The following TMX2 variants were observed in gnomAD, a reference collection of about 807,000 sequenced individuals.
TMX2 encodes thioredoxin related transmembrane protein 2.
In TMX2, 20 loss-of-function variants were observed where a neutral mutation model predicts 33.4. The observed-to-expected ratio is 0.60, with a 90% CI of 0.42 to 0.87. TMX2 has a LOEUF of 0.87. Among genes scored for constraint, TMX2 ranks in the 40% least tolerant of loss-of-function variants. The probability of loss-of-function intolerance (pLI) is 0.00; values close to 1 mark genes in which losing one functional copy is unlikely to be tolerated. For synonymous variants in TMX2, 166 were observed against 140.7 expected (o/e 1.18, Z -1.27); for missense variants, 340 against 370.7 (o/e 0.92, Z 0.68).
chr11:57,725,828 C>T (rs1294495969), intron 1 of TMX2, among the ~76,000 whole-genome samples: 1 of 152,036 alleles, frequency 6.6e-6, no homozygotes, highest in Non-Finnish European at 1.5e-5. Context: ...AATTGGTTGC[C>T]TTCTAAACTA....
At chr11:57,713,961 G>A (rs1018726400) in intron 1 of TMX2, among the ~76,000 whole-genome samples, 1 of 152,202 alleles carries the variant, frequency 6.6e-6, no homozygotes, top group African/African-American at 2.4e-5. Flanking sequence ...GAAGAGACCA[G>A]AAGTAATTGT....
chr11:57,737,554 C>T (rs1346549105), intron 1 of TMX2, 54 bp from the exon 2 acceptor site: 3 of 1,487,770 alleles, frequency 2.0e-6, no homozygotes, highest in Non-Finnish European at 2.8e-6. Context: ...CCTTTCCCAC[C>T]TAAGTTAGCT....
chr11:57,731,818 T>G (rs1219945688), intron 1 of TMX2, among the ~76,000 whole-genome samples: 1 of 152,102 alleles, frequency 6.6e-6, no homozygotes, highest in Non-Finnish European at 1.5e-5. Context: ...TGATAAGAAT[T>G]TTAAAACTCA....
At chr11:57,736,437 G>A (rs544728239) in intron 1 of TMX2, among the ~76,000 whole-genome samples, 2 of 152,284 alleles carry the variant, frequency 1.3e-5, no homozygotes, top group Admixed American at 1.3e-4. Context: ...CTGCATGTGA[G>A]CCACAGGTTG....
rs905182972 is a variant in TMX2 at position 57,738,644 on chromosome 11, T to C, written c.442-20T>C. On this transcript the variant is annotated intron_variant, in intron 4 of 7. Coordinates refer to ENST00000278422, the MANE Select transcript of TMX2 (RefSeq NM_015959.4). ...GAGGCTATGTGGATCCAGCTGACTT[T>C]TCTTCCCTGTATTTGGCAGGAGGAA... 18 of 1,609,212 alleles carry C rather than the reference T, an allele frequency of 1.1e-5. No individual in the cohort carries two copies. Among genetic ancestry groups the C allele is most frequent in the Non-Finnish European group, 1.2e-5 (14 of 1,175,898 alleles).
At position 57,725,785 on chromosome 11, in the gene TMX2, GTAC is replaced by G. The variant is rs200492713; in HGVS notation, c.190-11820_190-11818del. ...TTAAACCCTCCAAATCAAGAAGGGG[GTAC>G]TAAAAATGCCCAAACAGCTGGTAAA... is the stretch of plus-strand genomic sequence containing the variant. On this transcript the variant is annotated intron_variant, in intron 1 of 7. Transcript: ENST00000278422. 4.2e-3 allele frequency among the ~76,000 whole-genome samples: 645 copies of G among 151,982 alleles called. 21 individuals are homozygous for G. Among genetic ancestry groups the G allele is most frequent in the Admixed American group, 0.041 (626 of 15,242 alleles).
intron 1 of TMX2, among the ~76,000 whole-genome samples, chr11:57,720,006 TGG>T (rs1947488428): frequency 6.6e-6 from 1 of 151,950 alleles, no homozygotes; most frequent in Admixed American, 6.6e-5. Context: ...AAGGTGCCAC[TGG>T]TTGGGCGCGG....
In TMX2 at chr11:57,712,672, A is replaced by C. The variant is rs1375759229; in HGVS notation, c.54A>C (p.Ser18=). The C allele has an allele frequency of 6.2e-7, 1 of 1,614,126 alleles. No homozygotes were observed. Among genetic ancestry groups the C allele is most frequent in the Non-Finnish European group, 8.5e-7 (1 of 1,180,032 alleles). ...IALVYSVPRL[S]RWLAQPYYLL... is the part of the protein sequence containing the mutation. ...TCGTGTATTCGGTGCCGCGACTTTC[A>C]CGATGGCTCGCCCAACCTTACTACC... The change falls in exon 1 of 8, where the codon TCA becomes TCC. Residue 18 remains serine (S), a synonymous_variant. Transcript: ENST00000278422.
At chr11:57,736,500 G>A (rs1235301783) in intron 1 of TMX2, among the ~76,000 whole-genome samples, 1 of 152,092 alleles carries the variant, frequency 6.6e-6, no homozygotes, top group Non-Finnish European at 1.5e-5. Flanking sequence ...GTATTGAAAA[G>A]GGCTTTTTGA....
intron 1 of TMX2, among the ~76,000 whole-genome samples, chr11:57,731,119 TTTTTTG>T (rs1299285373): frequency 2.1e-4 from 19 of 91,756 alleles, no homozygotes; most frequent in African/African-American, 6.3e-4. Flanking sequence ...CCGTTTTTTG[TTTTTTG>T]TTTTTTTTTT....
At chr11:57,731,347 T>A (rs1419244805) in intron 1 of TMX2, among the ~76,000 whole-genome samples, 4 of 150,942 alleles carry the variant, frequency 2.7e-5, no homozygotes, top group Admixed American at 6.6e-5. Flanking sequence ...TTGGCCAGGC[T>A]GGTCTTGAAC....
At chr11:57,721,345 G>GTTTTT in intron 1 of TMX2, among the ~76,000 whole-genome samples, 1 of 105,264 alleles carries the variant, frequency 9.5e-6, no homozygotes, top group Non-Finnish European at 2.0e-5. Context: ...AATAAATAAA[G>GTTTTT]TTTTTTTTTT....
intron 1 of TMX2, among the ~76,000 whole-genome samples, chr11:57,724,137 A>T (rs1264059583): frequency 6.6e-6 from 1 of 152,166 alleles, no homozygotes; most frequent in African/African-American, 2.4e-5. Context: ...TAAATGCTAC[A>T]GAATTTAAGA....
At chr11:57,736,746 G>C (rs1438837152) in intron 1 of TMX2, among the ~76,000 whole-genome samples, 2 of 151,964 alleles carry the variant, frequency 1.3e-5, no homozygotes. Context: ...AAATTAGCCA[G>C]GTACAGTAGT....
In TMX2 at chr11:57,738,993, A is replaced by C. The variant is rs750298077; in HGVS notation, c.568A>C (p.Asn190His). The change falls in exon 6 of 8, where the codon AAT (asparagine) becomes CAT (histidine). Residue 190 changes from asparagine to histidine, a missense_variant. By Grantham distance (68) the Asn-to-His change is moderately conservative. Coordinates refer to ENST00000278422, the MANE Select transcript of TMX2 (RefSeq NM_015959.4). ...LSLKYNCTGL[N>H]FGKVDVGRYT... ...TTTCAGATACAACTGTACAGGGCTA[A>C]ATTTTGGGAAGGTGGATGTTGGACG... The C allele has an allele frequency of 5.0e-6, 8 of 1,614,124 alleles. No individual in the cohort carries two copies. The Admixed American group carries it at 1.3e-4, about 27-fold the overall frequency.
intron 1 of TMX2, among the ~76,000 whole-genome samples, chr11:57,715,586 C>CTTTTTTTTTTTTTTTTTTTTTT (rs367827761): frequency 1.0e-3 from 133 of 130,004 alleles, no homozygotes; most frequent in East Asian, 2.9e-3. Flanking sequence ...AATTTGTTTT[C>CTTTTTTTTTTTTTTTTTTTTTT]TTTTTTTTTT....
chr11:57,730,604 G>C (rs1350834608), intron 1 of TMX2, among the ~76,000 whole-genome samples: 1 of 151,780 alleles, frequency 6.6e-6, no homozygotes, highest in East Asian at 1.9e-4. Flanking sequence ...AGGCATTGGT[G>C]GTGGGCGCCT....
chr11:57,733,566 G>A (rs184751931), intron 1 of TMX2, among the ~76,000 whole-genome samples: 97 of 151,846 alleles, frequency 6.4e-4, no homozygotes, highest in Non-Finnish European at 1.2e-3. Context: ...CTATAGTGAG[G>A]AATTTACAGA....
chr11:57,734,122 G>C (rs897006946), intron 1 of TMX2, among the ~76,000 whole-genome samples: 6 of 117,156 alleles, frequency 5.1e-5, no homozygotes, highest in Admixed American at 3.8e-4. Context: ...CCGCGCCACT[G>C]TACTCCAGCC....
Sources: allele counts gnomAD v4.1 joint callset (sites outside exome capture counted in the v4.1 genomes callset), GRCh38; gene constraint gnomAD v4.1.1; transcripts MANE v1.5; gene names NCBI Gene and HGNC (gene_info 2026-07-23, HGNC 2026-07-21).